The following TTC28 variants were observed in gnomAD, a reference collection of about 807,000 sequenced individuals.
The protein encoded by TTC28 is tetratricopeptide repeat protein 28.
In TTC28, 61 loss-of-function variants were observed where a neutral mutation model predicts 198.0. The ratio of observed to expected loss-of-function variants is 0.31; its 90% confidence interval spans 0.25 to 0.38. The LOEUF (loss-of-function observed/expected upper bound fraction) is 0.38. Ranked by LOEUF, TTC28 falls within the 10% of genes least tolerant of loss-of-function variation. The pLI is 1.00. For synonymous variants in TTC28, 1,171 were observed against 1,297.8 expected, an observed-to-expected ratio of 0.90 and a Z score of 2.10; for missense variants, 2,678 against 3,164.0, an observed-to-expected ratio of 0.85 and a Z score of 3.69.
chr22:28,314,324 A>G (rs1482943325), intron 2 of TTC28, among the ~76,000 whole-genome samples: 2 of 152,204 alleles, frequency 1.3e-5, no homozygotes, highest in African/African-American at 4.8e-5. Flanking sequence ...ATCTCCATCA[A>G]GCTACCACTG....
At chr22:28,524,113 T>C (rs970842401) in intron 2 of TTC28, among the ~76,000 whole-genome samples, 5 of 152,176 alleles carry the variant, frequency 3.3e-5, no homozygotes, top group Non-Finnish European at 5.9e-5. Context: ...TTAAAAACTA[T>C]TTTTAATAGT....
At position 28,679,697 on chromosome 22, in the gene TTC28, GGGCGCC is replaced by G; in HGVS notation, c.21_26del (p.Ala8_Pro9del). On this transcript the variant is annotated inframe_deletion, in exon 1 of 23. Coordinates refer to ENST00000397906, the MANE Select transcript of TTC28 (RefSeq NM_001145418.2). ...CGGGGGTCGGCCCTTGGGTCGGCTC[GGGCGCC>G]GGCGGCGGCGACTGCTCCATCCCCA... 3 of 1,289,220 alleles carry G rather than the reference GGGCGCC, an allele frequency of 2.3e-6. No homozygotes were observed. The highest frequency in any genetic ancestry group is 2.9e-6 in the Non-Finnish European group (3 of 1,019,662). 79.9% of individuals were successfully genotyped at this position (1,289,220 alleles called of 1,614,324 possible). A position where few individuals can be genotyped will look rare whatever the true frequency, so the allele number is the denominator to read the frequency against.
At chr22:28,119,138 A>C (rs1333161227) in intron 6 of TTC28, among the ~76,000 whole-genome samples, 2 of 152,196 alleles carry the variant, frequency 1.3e-5, no homozygotes, top group African/African-American at 4.8e-5. Flanking sequence ...CTGTGAGCAG[A>C]ATCAGAAGAT....
At position 28,163,776 on chromosome 22, in the gene TTC28, G is replaced by A. The variant is rs540047895; in HGVS notation, c.934-177C>T. On this transcript the variant is annotated intron_variant, in intron 5 of 22. Transcript: ENST00000397906. Reference sequence around the variant, plus strand: ...TTTCTGCATTTCCAACTGAGGTACCGGGTTCATCTCACTGGGGAGTGCCGG... The same window carrying A: ...TTTCTGCATTTCCAACTGAGGTACCAGGTTCATCTCACTGGGGAGTGCCGG... Among the ~76,000 whole-genome samples, 31 of 152,308 alleles carry A rather than the reference G, an allele frequency of 2.0e-4. 1 individual carries two copies. The highest frequency in any genetic ancestry group is 1.0e-3 in the South Asian group (5 of 4,830).
At chr22:28,519,147 T>C (rs1168310016) in intron 2 of TTC28, among the ~76,000 whole-genome samples, 1 of 152,190 alleles carries the variant, frequency 6.6e-6, no homozygotes, top group Admixed American at 6.5e-5. Context: ...GATAATATAC[T>C]AAGCGGAAGG....
chr22:28,484,762 A>G (rs886326308), intron 2 of TTC28, among the ~76,000 whole-genome samples: 1 of 152,208 alleles, frequency 6.6e-6, no homozygotes, highest in Non-Finnish European at 1.5e-5. Context: ...GGAATAAGTA[A>G]GCAGAATCTG....
chr22:28,018,298 T>TGTGTGTGCGCGC (rs1938455721), intron 13 of TTC28, among the ~76,000 whole-genome samples: 1 of 38,644 alleles, frequency 2.6e-5, no homozygotes, highest in Admixed American at 4.0e-4. Flanking sequence ...CGCGCGTGTG[T>TGTGTGTGCGCGC]GCGCGCGCGG....
chr22:28,101,077 C>G lies in TTC28; in HGVS notation c.3417+94G>C, dbSNP rs1942133757. On this transcript the variant is annotated intron_variant, in intron 9 of 22. Coordinates refer to ENST00000397906, the MANE Select transcript of TTC28 (RefSeq NM_001145418.2). ...TTAGCCCAAGGGTAGAAGTCAGTGC[C>G]TCTTGTAAATGCCATCACTACTAGG... The G allele has an allele frequency of 3.3e-5, 29 of 889,200 alleles. No homozygotes were observed. In the South Asian group the frequency reaches 5.2e-4, roughly 16 times the overall value. 55.1% of individuals were successfully genotyped at this position (889,200 alleles called of 1,614,324 possible). A position where few individuals can be genotyped will look rare whatever the true frequency, so the allele number is the denominator to read the frequency against.
chr22:28,409,669 T>C (rs539691528), intron 2 of TTC28, among the ~76,000 whole-genome samples: 4 of 150,462 alleles, frequency 2.7e-5, no homozygotes, highest in East Asian at 3.9e-4. Flanking sequence ...TTTTCTTTTT[T>C]TTTTTTTTGA....
intron 2 of TTC28, among the ~76,000 whole-genome samples, chr22:28,553,462 C>T (rs2049728727): frequency 6.6e-6 from 1 of 151,292 alleles, no homozygotes; most frequent in Non-Finnish European, 1.5e-5. Flanking sequence ...GTGAGGAGCG[C>T]CTCTGCCCGG....
intron 2 of TTC28, among the ~76,000 whole-genome samples, chr22:28,537,309 A>AAAATAAAATAACATAAATAAAATAAAAT (rs2049308118): frequency 1.4e-5 from 2 of 138,168 alleles, no homozygotes; most frequent in East Asian, 4.6e-4. Flanking sequence ...AAAATAAAAT[A>AAAATAAAATAACATAAATAAAATAAAAT]AAATAAAATA....
chr22:28,032,407 C>T (rs1939173396), intron 12 of TTC28, among the ~76,000 whole-genome samples: 2 of 150,444 alleles, frequency 1.3e-5, no homozygotes, highest in Admixed American at 1.3e-4. Context: ...CTGGTAAAGT[C>T]CTGGCTATTA....
At chr22:28,094,312 A>C (rs1941906208) in intron 11 of TTC28, 67 bp from the exon 12 acceptor site, 3 of 1,439,150 alleles carry the variant, frequency 2.1e-6, no homozygotes, top group Non-Finnish European at 2.8e-6. Flanking sequence ...AGTTGAAGGC[A>C]GGGGACAGGA....
chr22:28,358,323 A>G (rs2145952123), intron 2 of TTC28, among the ~76,000 whole-genome samples: 1 of 152,332 alleles, frequency 6.6e-6, no homozygotes, highest in Middle Eastern at 3.4e-3. Flanking sequence ...TCAGCTCACT[A>G]GAGCAGAATC....
At chr22:28,444,211 G>A (rs538459244) in intron 2 of TTC28, among the ~76,000 whole-genome samples, 1 of 152,240 alleles carries the variant, frequency 6.6e-6, no homozygotes, top group Non-Finnish European at 1.5e-5. Flanking sequence ...AAGCTGTTTT[G>A]ATAGCTGGGA....
chr22:28,600,707 G>T (rs1228967982), intron 2 of TTC28, among the ~76,000 whole-genome samples: 1 of 152,062 alleles, frequency 6.6e-6, no homozygotes, highest in African/African-American at 2.4e-5. Flanking sequence ...ACATAATGTA[G>T]AATAATCTTA....
At chr22:28,162,028 T>C (rs1276060447) in intron 6 of TTC28, among the ~76,000 whole-genome samples, 4 of 152,288 alleles carry the variant, frequency 2.6e-5, no homozygotes, top group Non-Finnish European at 4.4e-5. Context: ...TGAATCCCTA[T>C]AGGCAAAGAA....
chr22:28,051,344 GT>G (rs1940079043), intron 12 of TTC28, among the ~76,000 whole-genome samples: 1 of 152,162 alleles, frequency 6.6e-6, no homozygotes, highest in Admixed American at 6.5e-5. Context: ...ATAGTTTCCT[GT>G]TTGCCTGCAG....
At chr22:28,574,496 C>T (rs1216366118) in intron 2 of TTC28, among the ~76,000 whole-genome samples, 2 of 152,092 alleles carry the variant, frequency 1.3e-5, no homozygotes, top group Non-Finnish European at 2.9e-5. Context: ...CGGAGTGCAG[C>T]TATGTTTTTG....
Sources: gnomAD v4.1 joint callset for allele counts (sites outside exome capture counted in the v4.1 genomes callset) on GRCh38, gnomAD v4.1.1 for gene constraint, MANE v1.5 for transcripts, NCBI Gene and HGNC (gene_info 2026-07-23, HGNC 2026-07-21) for gene names.